IRGC: variants seen among roughly 807,000 people sequenced by gnomAD.
IRGC encodes the protein interferon-inducible GTPase 5.
A neutral mutation model predicts 16.1 loss-of-function variants in IRGC; 4 were observed. The ratio of observed to expected loss-of-function variants is 0.25; its 90% CI spans 0.12 to 0.57. The LOEUF is 0.57. IRGC is among the 20% of genes least tolerant of loss of function. The pLI is 0.92. For synonymous variants in IRGC, 307 were observed against 299.5 expected, an observed-to-expected ratio of 1.03 and a Z score of -0.26; for missense variants, 570 against 643.9, an observed-to-expected ratio of 0.89 and a Z score of 1.24.
At chr19:43,718,287 G>A in intron 1 of IRGC, 1 of 438,970 alleles carries the variant, frequency 2.3e-6, no homozygotes, top group Non-Finnish European at 3.8e-6. Context: ...TGGTCACACA[G>A]CAAGTTAGTG....
At position 43,719,245 on chromosome 19, in the gene IRGC, GT is replaced by G. The variant is rs1323837079; in HGVS notation, c.688del (p.Ser230ProfsTer250). On this transcript the variant is annotated frameshift_variant, in exon 2 of 2. Coordinates refer to ENST00000244314, the MANE Select transcript of IRGC (RefSeq NM_019612.4). LOFTEE classifies it high-confidence loss of function. ...PARYDFPTLV[S>X]TWEHDLPSHR... ...CCCGCTACGACTTTCCCACGCTGGT[GT>G]CCACCTGGGAGCACGACCTGCCCTC... 1 of 1,609,424 alleles carries G rather than the reference GT, an allele frequency of 6.2e-7. No homozygotes were observed. The highest frequency in any genetic ancestry group is 1.3e-5 in the African/African-American group (1 of 74,884).
Position 43,719,014 on chromosome 19 carries a change from G to A in IRGC, c.456G>A (p.Leu152=). 1 of 1,612,614 alleles carries A rather than the reference G, an allele frequency of 6.2e-7. No individual in the cohort carries two copies. Among genetic ancestry groups the A allele is most frequent in the South Asian group, 1.1e-5 (1 of 91,012 alleles). The change falls in exon 2 of 2, where the codon CTG becomes CTA. Residue 152 remains leucine (L), a synonymous_variant. Transcript: ENST00000244314. ...GCTGCGGGGCCGTCGAGACCCGCCT[G>A]GCCGCTGAGATCCTGTGCCAGGGCA... The part of the protein sequence containing the change: ...PRRCGAVETR[L]AAEILCQGKK...
At position 43,718,535 on chromosome 19, in the gene IRGC, C is replaced by T. The variant is rs763275679; in HGVS notation, c.-24C>T. ...TCCTGTGACTCTCCCCTGTCCCCCG[C>T]CACCCTCTGAACCACTGGCCACCAT... On this transcript the variant is annotated 5_prime_UTR_variant, in exon 2 of 2. Transcript: ENST00000244314. 15 of 1,539,640 alleles carry T rather than the reference C, an allele frequency of 9.7e-6. No individual in the cohort carries two copies. Among genetic ancestry groups the T allele is most frequent in the Admixed American group, 2.0e-5 (1 of 50,324 alleles).
At position 43,718,939 on chromosome 19, in the gene IRGC, G is replaced by A; in HGVS notation, c.381G>A (p.Lys127=). Residue 127 remains lysine (K), a synonymous_variant, in exon 2 of 2, where the codon AAG becomes AAA. Coordinates refer to ENST00000244314, the MANE Select transcript of IRGC (RefSeq NM_019612.4). ...SPGCPADKYL[K]QVDFSRYDFF... is the part of the protein sequence containing the mutation. ...GCTGCCCGGCTGACAAGTACCTAAA[G>A]CAGGTAGACTTCAGCCGCTATGACT... 3 of 1,612,360 alleles carry A rather than the reference G, an allele frequency of 1.9e-6. No individual in the cohort carries two copies. Among genetic ancestry groups the A allele is most frequent in the South Asian group, 1.1e-5 (1 of 90,966 alleles).
Position 43,718,740 on chromosome 19 carries a change from G to A in IRGC, c.182G>A (p.Gly61Asp). ...ESIRLEVGVT[G>D]ESGAGKSSLI... ...ATCCGCCTGGAGGTGGGCGTCACGGGCGAGTCGGGCGCGGGCAAGTCCTCC... is the reference window on the plus strand; with the variant it reads ...ATCCGCCTGGAGGTGGGCGTCACGGACGAGTCGGGCGCGGGCAAGTCCTCC... Residue 61 changes from glycine (G) to aspartate (D), a missense_variant, in exon 2 of 2, where the codon GGC becomes GAC. By Grantham distance (94) the Gly-to-Asp change is moderately conservative. Transcript: ENST00000244314. 6.2e-7 allele frequency: 1 copy of A among 1,612,888 alleles called. No individual in the cohort carries two copies. The highest frequency in any genetic ancestry group is 8.5e-7 in the Non-Finnish European group (1 of 1,179,768).
chr19:43,719,417 G>A lies in IRGC; in HGVS notation c.859G>A (p.Ala287Thr), dbSNP rs1283948124. 1.9e-6 allele frequency: 3 copies of A among 1,606,054 alleles called. No homozygotes were observed. The highest frequency in any genetic ancestry group is 1.3e-5 in the African/African-American group (1 of 74,838). Residue 287 changes from alanine (A) to threonine (T), a missense_variant, in exon 2 of 2, where the codon GCC (alanine) becomes ACC (threonine). Physicochemically the swap from Ala to Thr is moderately conservative, Grantham distance 58. Transcript: ENST00000244314. The part of the protein sequence containing the change: ...IQALPVPGLA[A>T]AYDDALLIHS... Reference sequence around the variant, plus strand: ...GGCCCTGCCGGTCCCAGGGCTGGCGGCCGCCTACGATGATGCGTTGCTCAT... The same window carrying A: ...GGCCCTGCCGGTCCCAGGGCTGGCGACCGCCTACGATGATGCGTTGCTCAT...
intron 1 of IRGC, among the ~76,000 whole-genome samples, 165 bp downstream of exon 1, chr19:43,716,307 G>T (rs1286732571): frequency 1.3e-5 from 2 of 152,160 alleles, no homozygotes; most frequent in African/African-American, 4.8e-5. Context: ...GACCATACTA[G>T]GGAGAGGGCA....
chr19:43,719,158 G>A lies in IRGC; in HGVS notation c.600G>A (p.Glu200=), dbSNP rs766889301. ...VLQEIRDHCA[E]RLREAGVADP... ...AGGAGATCCGAGACCACTGTGCCGAGCGGCTGCGGGAGGCCGGCGTGGCTG... is the reference window on the plus strand; with the variant it reads ...AGGAGATCCGAGACCACTGTGCCGAACGGCTGCGGGAGGCCGGCGTGGCTG... The change falls in exon 2 of 2, where the codon GAG becomes GAA. Residue 200 remains glutamate, a synonymous_variant. Transcript: ENST00000244314. 4 of 1,609,872 alleles carry A rather than the reference G, an allele frequency of 2.5e-6. No individual in the cohort carries two copies. Among genetic ancestry groups the A allele is most frequent in the East Asian group, 2.2e-5 (1 of 44,868 alleles).
chr19:43,717,582 G>A (rs1005822519), intron 1 of IRGC, among the ~76,000 whole-genome samples: 1 of 152,176 alleles, frequency 6.6e-6, no homozygotes, highest in African/African-American at 2.4e-5. Context: ...TTTGATCCCA[G>A]GCAGTCTGGC....
chr19:43,717,757 G>A (rs1318412259), intron 1 of IRGC, among the ~76,000 whole-genome samples: 1 of 152,168 alleles, frequency 6.6e-6, no homozygotes, highest in East Asian at 1.9e-4. Context: ...AAAATATGGG[G>A]CCCCTGGTTC....
chr19:43,716,639 G>C (rs1446703993), intron 1 of IRGC, among the ~76,000 whole-genome samples: 1 of 152,168 alleles, frequency 6.6e-6, no homozygotes, highest in Non-Finnish European at 1.5e-5. Flanking sequence ...TGCCCAGCCG[G>C]GAACAATGTC....
At position 43,718,864 on chromosome 19, in the gene IRGC, A is replaced by G. The variant is rs765174367; in HGVS notation, c.306A>G (p.Pro102=). Residue 102 remains proline (P), a synonymous_variant, in exon 2 of 2, where the codon CCA becomes CCG. Transcript: ENST00000244314. ...TTMQPSPYPH[P]QFPDVTLWDL... is the part of the protein sequence containing the mutation. ...TGCAACCGTCGCCCTATCCACACCC[A>G]CAGTTCCCTGACGTGACCCTCTGGG... 4.3e-6 allele frequency: 7 copies of G among 1,613,012 alleles called. No individual in the cohort carries two copies. The African/African-American group carries it at 9.4e-5, about 22-fold the overall frequency.
chr19:43,716,391 G>A (rs1251507480), intron 1 of IRGC, among the ~76,000 whole-genome samples: 5 of 151,364 alleles, frequency 3.3e-5, no homozygotes, highest in Admixed American at 3.3e-4. Context: ...CTGAGACGGA[G>A]TCTCGCTCTG....
chr19:43,719,284 C>T lies in IRGC; in HGVS notation c.726C>T (p.His242=), dbSNP rs1428998866. ...ACGACCTGCCCTCCCACCGGCGCCA[C>T]GCTGGCCTGCTGTCGCTCCCCGACA... The part of the protein sequence containing the change: ...WEHDLPSHRR[H]AGLLSLPDIS... The change falls in exon 2 of 2, where the codon CAC becomes CAT. Residue 242 remains histidine, a synonymous_variant. Transcript: ENST00000244314. 4 of 1,608,992 alleles carry T rather than the reference C, an allele frequency of 2.5e-6. No homozygotes were observed. The highest frequency in any genetic ancestry group is 4.5e-5 in the East Asian group (2 of 44,754).
chr19:43,719,299 G>A lies in IRGC; in HGVS notation c.741G>A (p.Ser247=), dbSNP rs772657761. Residue 247 remains serine, a synonymous_variant, in exon 2 of 2, where the codon TCG becomes TCA. Transcript: ENST00000244314. ...ACCGGCGCCACGCTGGCCTGCTGTC[G>A]CTCCCCGACATCTCGCTGGAGGCCT... is the stretch of plus-strand genomic sequence containing the variant. ...PSHRRHAGLL[S]LPDISLEALQ... The A allele has an allele frequency of 2.0e-5, 32 of 1,609,042 alleles. No individual in the cohort carries two copies. Among genetic ancestry groups the A allele is most frequent in the African/African-American group, 2.7e-5 (2 of 74,858 alleles).
chr19:43,718,065 T>TCAAACAAACAAA (rs111429395), intron 1 of IRGC, among the ~76,000 whole-genome samples: 6 of 152,004 alleles, frequency 3.9e-5, no homozygotes, highest in African/African-American at 1.2e-4. Context: ...AGACCCTGTC[T>TCAAACAAACAAA]CAAACAAACA....
chr19:43,718,303 A>G, intron 1 of IRGC, 190 bp from the exon 2 acceptor site: 1 of 510,764 alleles, frequency 2.0e-6, no homozygotes. Flanking sequence ...TAGTGGCAGA[A>G]AAGGGATGTG....
At position 43,718,931 on chromosome 19, in the gene IRGC, T is replaced by A; in HGVS notation, c.373T>A (p.Tyr125Asn). The A allele has an allele frequency of 6.2e-7, 1 of 1,612,584 alleles. No homozygotes were observed. Among genetic ancestry groups the A allele is most frequent in the Non-Finnish European group, 8.5e-7 (1 of 1,179,730 alleles). ...CTCTCCAGGCTGCCCGGCTGACAAG[T>A]ACCTAAAGCAGGTAGACTTCAGCCG... ...AGSPGCPADK[Y>N]LKQVDFSRYD... Residue 125 changes from tyrosine (Y) to asparagine (N), a missense_variant, in exon 2 of 2, where the codon TAC becomes AAC. By Grantham distance (143) the Tyr-to-Asn change is moderately radical. Transcript: ENST00000244314.
rs748550509 is a variant in IRGC, at chr19:43,719,965, C to A, written c.*15C>A. ...AAGAGAAATAAAGAGTGCAGCCCCG[C>A]CCCCCTGCCTCACCCACAAACTAAG... On this transcript the variant is annotated 3_prime_UTR_variant, in exon 2 of 2. Transcript: ENST00000244314. The A allele has an allele frequency of 1.7e-5, 27 of 1,610,774 alleles. No homozygotes were observed. The highest frequency in any genetic ancestry group is 2.3e-5 in the Non-Finnish European group (27 of 1,179,142).
Sources: gnomAD v4.1 joint callset for allele counts (sites outside exome capture counted in the v4.1 genomes callset) on GRCh38, gnomAD v4.1.1 for gene constraint, MANE v1.5 for transcripts, NCBI Gene and HGNC (gene_info 2026-07-23, HGNC 2026-07-21) for gene names.